The following NXPE2 variants were observed in gnomAD, a reference collection of about 807,000 sequenced individuals.
The protein encoded by NXPE2 is neurexophilin and PC-esterase domain family member 2, also known as NXPE family member 2.
In NXPE2, 34 loss-of-function variants were observed where a neutral mutation model predicts 34.4. The ratio of observed to expected loss-of-function variants is 0.99; its 90% CI spans 0.75 to 1.31. NXPE2 has a LOEUF of 1.31. NXPE2 is among the 40% of genes most tolerant of loss of function. The pLI is 0.00. For synonymous variants in NXPE2, 235 were observed against 231.3 expected, an observed-to-expected ratio of 1.02 and a Z score of -0.15; for missense variants, 649 against 672.5, an observed-to-expected ratio of 0.97 and a Z score of 0.39.
the NXPE2 span, among the ~76,000 whole-genome samples, chr11:114,488,787 C>T: frequency 6.6e-6 from 1 of 152,052 alleles, no homozygotes; most frequent in Non-Finnish European, 1.5e-5. Flanking sequence ...CCTAACATCA[C>T]AATTAAAAGA....
the NXPE2 span, among the ~76,000 whole-genome samples, chr11:114,781,450 A>C: frequency 6.6e-6 from 1 of 152,236 alleles, no homozygotes; most frequent in Non-Finnish European, 1.5e-5. Flanking sequence ...GGATTTAGAC[A>C]GGGATGGGAT....
At chr11:114,632,929 A>G in the NXPE2 span, among the ~76,000 whole-genome samples, 2 of 96,760 alleles carry the variant, frequency 2.1e-5, no homozygotes, top group Non-Finnish European at 3.7e-5. Context: ...ATATAATTAT[A>G]TAATAATATA....
the NXPE2 span, among the ~76,000 whole-genome samples, chr11:114,652,566 C>CTTA: frequency 6.6e-6 from 1 of 152,162 alleles, no homozygotes; most frequent in Non-Finnish European, 1.5e-5. Context: ...ATGTAAAATG[C>CTTA]TTAACACAGT....
chr11:114,623,616 G>A, the NXPE2 span, among the ~76,000 whole-genome samples: 77 of 150,762 alleles, frequency 5.1e-4, 2 homozygotes, highest in South Asian at 0.015. Flanking sequence ...TGGGTTACCC[G>A]TTTTACCCAC....
At chr11:114,540,861 T>TGGC in the NXPE2 span, among the ~76,000 whole-genome samples, 1 of 67,276 alleles carries the variant, frequency 1.5e-5, no homozygotes, top group African/African-American at 1.3e-4. Context: ...TTTTTTTTTT[T>TGGC]TTTTTTTTTT....
chr11:114,714,211 T>C, the NXPE2 span, among the ~76,000 whole-genome samples: 1 of 152,200 alleles, frequency 6.6e-6, no homozygotes, highest in Non-Finnish European at 1.5e-5. Flanking sequence ...CTTTTTTCAC[T>C]ATCAGGAGTA....
chr11:114,627,718 G>C, the NXPE2 span, among the ~76,000 whole-genome samples: 1 of 152,128 alleles, frequency 6.6e-6, no homozygotes, highest in Non-Finnish European at 1.5e-5. Context: ...AAAAGACACA[G>C]ATTGGCAAAT....
the NXPE2 span, among the ~76,000 whole-genome samples, chr11:114,473,070 A>G: frequency 1.3e-5 from 2 of 152,196 alleles, no homozygotes; most frequent in African/African-American, 4.8e-5. Context: ...TAATCTGCTT[A>G]TTTAATCTCT....
the NXPE2 span, among the ~76,000 whole-genome samples, chr11:114,736,250 G>C: frequency 6.6e-6 from 1 of 152,170 alleles, no homozygotes; most frequent in Non-Finnish European, 1.5e-5. Flanking sequence ...AAATTTATTA[G>C]GTGGGAATTT....
the NXPE2 span, among the ~76,000 whole-genome samples, chr11:114,733,342 C>A: frequency 6.6e-6 from 1 of 152,236 alleles, no homozygotes; most frequent in African/African-American, 2.4e-5. Context: ...ATCTGCCCGC[C>A]TTGGCCTCCC....
At chr11:114,638,248 G>T in the NXPE2 span, among the ~76,000 whole-genome samples, 2 of 151,844 alleles carry the variant, frequency 1.3e-5, no homozygotes, top group African/African-American at 4.8e-5. Context: ...TCTTCCAGTT[G>T]ATCACATCAG....
chr11:114,698,310 TG>T lies in NXPE2; in HGVS notation c.400del (p.Glu134ArgfsTer2), dbSNP rs761036071. 1.2e-6 allele frequency: 2 copies of T among 1,614,026 alleles called. No individual in the cohort carries two copies. Among genetic ancestry groups the T allele is most frequent in the Non-Finnish European group, 1.7e-6 (2 of 1,179,946 alleles). ...YCRGDQLDIL[L>X]EVRDHLGHRK... is the part of the protein sequence containing the mutation. ...AGGGGGGATCAGCTGGACATCCTTC[TG>T]GAGGTGAGGGACCACTTGGGACACA... On this transcript the variant is annotated frameshift_variant, in exon 3 of 6. Coordinates refer to ENST00000389586, the MANE Select transcript of NXPE2 (RefSeq NM_182495.6). LOFTEE classifies it high-confidence loss of function.
At chr11:114,650,883 C>T in the NXPE2 span, among the ~76,000 whole-genome samples, 1,208 of 152,102 alleles carry the variant, frequency 7.9e-3, 8 homozygotes, top group Admixed American at 0.012. Context: ...ACAGTAAAAA[C>T]GGCAAGCTGC....
the NXPE2 span, among the ~76,000 whole-genome samples, chr11:114,786,818 G>GT: frequency 9.2e-5 from 14 of 151,640 alleles, no homozygotes; most frequent in Non-Finnish European, 2.1e-4. Context: ...GTTGGGAAGA[G>GT]CCCCCCCATG....
chr11:114,474,989 A>G, the NXPE2 span, among the ~76,000 whole-genome samples: 49 of 152,328 alleles, frequency 3.2e-4, no homozygotes, highest in African/African-American at 1.1e-3. Context: ...AAGTGAAAAA[A>G]TAGTAAAACT....
At chr11:114,563,705 C>G in the NXPE2 span, among the ~76,000 whole-genome samples, 1 of 152,236 alleles carries the variant, frequency 6.6e-6, no homozygotes, top group Admixed American at 6.5e-5. Flanking sequence ...GAATGGCCAA[C>G]AAACATATTG....
At chr11:114,666,288 G>A in the NXPE2 span, among the ~76,000 whole-genome samples, 3 of 152,012 alleles carry the variant, frequency 2.0e-5, no homozygotes, top group Admixed American at 6.6e-5. Context: ...TCATTTTTAC[G>A]ACATTTCTTG....
chr11:114,790,998 C>T, the NXPE2 span, among the ~76,000 whole-genome samples: 2 of 151,504 alleles, frequency 1.3e-5, no homozygotes, highest in East Asian at 3.9e-4. Context: ...AGGCGTATCT[C>T]CAAGGGGAAG....
At chr11:114,679,467 TAGG>T (rs2135529101) in intron 1 of NXPE2, among the ~76,000 whole-genome samples, 187 bp from the exon 2 acceptor site, 1 of 152,164 alleles carries the variant, frequency 6.6e-6, no homozygotes, top group South Asian at 2.1e-4. Flanking sequence ...GGAGTCCTTC[TAGG>T]AGTTTTGTTC....
Sources: allele counts gnomAD v4.1 joint callset (sites outside exome capture counted in the v4.1 genomes callset), GRCh38; gene constraint gnomAD v4.1.1; transcripts MANE v1.5; gene names NCBI Gene and HGNC (gene_info 2026-07-23, HGNC 2026-07-21).